The following LRRC8A variants were observed in gnomAD, a reference collection of about 807,000 sequenced individuals.
LRRC8A encodes the protein leucine rich repeat containing 8 VRAC subunit A.
In LRRC8A, 24 loss-of-function variants were observed where a neutral mutation model predicts 52.5. That is an observed-to-expected ratio of 0.46 (90% CI 0.33 to 0.64). The LOEUF is 0.64. Ranked by LOEUF, LRRC8A falls within the 30% of genes least tolerant of loss-of-function variation. The pLI is 0.02. For synonymous variants in LRRC8A, 492 were observed against 494.2 expected, an observed-to-expected ratio of 1.00 and a Z score of 0.06; for missense variants, 677 against 1,094.7, an observed-to-expected ratio of 0.62 and a Z score of 5.38.
chr9:128,915,565 T>G (rs1208448524), intron 3 of LRRC8A, among the ~76,000 whole-genome samples: 1 of 152,172 alleles, frequency 6.6e-6, no homozygotes, highest in Non-Finnish European at 1.5e-5. Flanking sequence ...GACCTCGTGA[T>G]CCGCCCGCCT....
rs7028651 is a variant in LRRC8A, at chr9:128,906,383, C to T, written c.-8-774C>T. Among the ~76,000 whole-genome samples, 1,018 of 124,824 alleles carry T rather than the reference C, an allele frequency of 8.2e-3. 8 individuals carry two copies. The highest frequency in any genetic ancestry group is 0.023 in the Middle Eastern group (3 of 128). The allele number at this position is 124,824 out of a possible 152,430, so 81.9% of individuals were successfully genotyped here. On this transcript the variant is annotated intron_variant, in intron 2 of 3. Transcript: ENST00000372600. Reference sequence around the variant, plus strand: ...TGTCGCCCAGGCTGGAGTGCAATGGCACAATCTCAGCTCACTGCAACCTCC... The same window carrying T: ...TGTCGCCCAGGCTGGAGTGCAATGGTACAATCTCAGCTCACTGCAACCTCC...
Position 128,902,982 on chromosome 9 carries a change from C to T in LRRC8A, c.-8-4175C>T, listed in dbSNP as rs376786049. On this transcript the variant is annotated intron_variant, in intron 2 of 3. Coordinates refer to ENST00000372600, the MANE Select transcript of LRRC8A (RefSeq NM_019594.4). The surrounding 1 kb of genome is among the most constrained non-coding windows in gnomAD (Gnocchi z 4.1). ...CTCCCAGTCCTGTTTCTCTTGGCAC[C>T]GCCTGGGTGAGACCTTGGGCAGGCG... is the stretch of plus-strand genomic sequence containing the variant. 4.6e-5 allele frequency among the ~76,000 whole-genome samples: 7 copies of T among 152,302 alleles called. No individual in the cohort carries two copies. The highest frequency in any genetic ancestry group is 2.1e-4 in the South Asian group (1 of 4,828).
chr9:128,909,200 C>G lies in LRRC8A; in HGVS notation c.2036C>G (p.Thr679Ser). Reference protein sequence around the residue: ...LNRNKIEKIPTQLFYCRKLRY... With the variant: ...LNRNKIEKIPSQLFYCRKLRY... ...CGCAACAAGATCGAGAAGATCCCCA[C>G]CCAGCTCTTCTACTGCCGCAAGCTG... The change falls in exon 3 of 4, where the codon ACC becomes AGC. Residue 679 changes from threonine (T) to serine (S), a missense_variant. Thr to Ser is a moderately conservative substitution (Grantham distance 58, BLOSUM62 1). Around this residue, in one of 4 missense-constraint regions of LRRC8A, gnomAD observed 169 missense variants for 217.6 expected, o/e 0.78. Transcript: ENST00000372600. 6.2e-7 allele frequency: 1 copy of G among 1,614,194 alleles called. No individual in the cohort carries two copies. Among genetic ancestry groups the G allele is most frequent in the Non-Finnish European group, 8.5e-7 (1 of 1,180,046 alleles).
intron 2 of LRRC8A, among the ~76,000 whole-genome samples, chr9:128,890,727 A>C (rs1001030823): frequency 1.3e-5 from 2 of 152,160 alleles, no homozygotes; most frequent in Non-Finnish European, 2.9e-5. Flanking sequence ...TCAGCAGAAG[A>C]TGTGTCTGCT....
chr9:128,904,044 AG>A (rs901662604), intron 2 of LRRC8A, among the ~76,000 whole-genome samples: 1 of 150,842 alleles, frequency 6.6e-6, no homozygotes, highest in Non-Finnish European at 1.5e-5. Flanking sequence ...AAAAAAAAAA[AG>A]TTTGTTACTA....
chr9:128,903,299 T>C (rs905545157), intron 2 of LRRC8A, among the ~76,000 whole-genome samples: 5 of 152,140 alleles, frequency 3.3e-5, no homozygotes, highest in African/African-American at 1.2e-4. Flanking sequence ...GAGTGCCCCA[T>C]TCCACCTGCC....
chr9:128,908,336 C>A lies in LRRC8A; in HGVS notation c.1172C>A (p.Ala391Asp). ...QYDPLYSKRF[A>D]VFLSEVSENK... The stretch of plus-strand genomic sequence containing the variant: ...GACCCGCTCTACTCCAAGCGCTTCG[C>A]CGTCTTCCTGTCGGAGGTGAGTGAG... The change falls in exon 3 of 4, where the codon GCC becomes GAC. Residue 391 changes from alanine to aspartate, a missense_variant. Physicochemically the swap from Ala to Asp is moderately radical, Grantham distance 126 (BLOSUM62 -2). Coordinates refer to ENST00000372600, the MANE Select transcript of LRRC8A (RefSeq NM_019594.4). 1 of 1,614,124 alleles carries A rather than the reference C, an allele frequency of 6.2e-7. No homozygotes were observed. Among genetic ancestry groups the A allele is most frequent in the Non-Finnish European group, 8.5e-7 (1 of 1,180,046 alleles).
intron 2 of LRRC8A, among the ~76,000 whole-genome samples, chr9:128,888,435 T>C (rs559573173): frequency 6.6e-6 from 1 of 152,076 alleles, no homozygotes; most frequent in Non-Finnish European, 1.5e-5. Flanking sequence ...GCCCAGCCCT[T>C]CCTGGGGATA....
At chr9:128,906,359 G>A (rs1245565415) in intron 2 of LRRC8A, among the ~76,000 whole-genome samples, 1 of 80,854 alleles carries the variant, frequency 1.2e-5, no homozygotes, top group African/African-American at 4.9e-5. Flanking sequence ...TTTCACTCTT[G>A]TCGCCCAGGC....
chr9:128,913,191 G>A (rs1840637223), intron 3 of LRRC8A, among the ~76,000 whole-genome samples: 1 of 152,062 alleles, frequency 6.6e-6, no homozygotes, highest in Admixed American at 6.5e-5. Flanking sequence ...ATTAGGAACT[G>A]GTGACTTTGG....
At position 128,905,082 on chromosome 9, in the gene LRRC8A, G is replaced by A. The variant is rs150138693; in HGVS notation, c.-8-2075G>A. ...CAGCTACCTGGGGGAGGCTAAGGTA[G>A]GAGGATTGCTTGACCAGGAGGTTGA... On this transcript the variant is annotated intron_variant, in intron 2 of 3. Coordinates refer to ENST00000372600, the MANE Select transcript of LRRC8A (RefSeq NM_019594.4). 1.3e-4 allele frequency among the ~76,000 whole-genome samples: 20 copies of A among 152,046 alleles called. No individual in the cohort carries two copies. In the East Asian group the frequency reaches 3.9e-3, roughly 30 times the overall value.
At chr9:128,901,128 G>A (rs369560855) in intron 2 of LRRC8A, among the ~76,000 whole-genome samples, 96 of 152,280 alleles carry the variant, frequency 6.3e-4, no homozygotes, top group African/African-American at 2.1e-3. Flanking sequence ...AGCCGAGATC[G>A]TGCCACTGCA....
rs1839935485 is a variant in LRRC8A at position 128,899,214 on chromosome 9, T to A, written c.-8-7943T>A. Among the ~76,000 whole-genome samples, 1 of 152,196 alleles carries A rather than the reference T, an allele frequency of 6.6e-6. No homozygotes were observed. ...AACTGAGGCCCTGGGAGAGAAGCTG[T>A]TCCACAGCTCCGCCAGGACGCAGTG... On this transcript the variant is annotated intron_variant, in intron 2 of 3. Transcript: ENST00000372600. This position sits in a 1 kb window ranked among gnomAD's most constrained non-coding sequence, Gnocchi z 4.0.
intron 3 of LRRC8A, among the ~76,000 whole-genome samples, chr9:128,914,069 G>A (rs565255898): frequency 6.6e-6 from 1 of 152,268 alleles, no homozygotes; most frequent in South Asian, 2.1e-4. Flanking sequence ...GCCGGGCATG[G>A]TGGTATGCGG....
chr9:128,902,226 A>G lies in LRRC8A; in HGVS notation c.-8-4931A>G, dbSNP rs775820383. ...ATTTTTTTTTACCCCCGCTGGACCT[A>G]GCCAAGGGCTGAACAGAGTCCGGAT... On this transcript the variant is annotated intron_variant, in intron 2 of 3. Coordinates refer to ENST00000372600, the MANE Select transcript of LRRC8A (RefSeq NM_019594.4). The surrounding 1 kb of genome is among the most constrained non-coding windows in gnomAD (Gnocchi z 4.1). 3.3e-5 allele frequency among the ~76,000 whole-genome samples: 5 copies of G among 152,208 alleles called. No individual in the cohort carries two copies. Among genetic ancestry groups the G allele is most frequent in the Non-Finnish European group, 5.9e-5 (4 of 68,020 alleles).
At chr9:128,901,000 C>T (rs938119528) in intron 2 of LRRC8A, among the ~76,000 whole-genome samples, 1 of 152,090 alleles carries the variant, frequency 6.6e-6, no homozygotes, top group Non-Finnish European at 1.5e-5. Context: ...TGGTAAAACC[C>T]TGTCTCTACT....
chr9:128,894,403 G>A (rs532661099), intron 2 of LRRC8A, among the ~76,000 whole-genome samples: 112 of 151,836 alleles, frequency 7.4e-4, no homozygotes, highest in Non-Finnish European at 1.3e-3. Context: ...AGAATGGCGT[G>A]AACCTGGGAG....
intron 3 of LRRC8A, among the ~76,000 whole-genome samples, chr9:128,910,499 C>T (rs1840467452): frequency 6.6e-6 from 1 of 152,156 alleles, no homozygotes; most frequent in African/African-American, 2.4e-5. Context: ...TCGAGACCAG[C>T]CTGGGCAACA....
chr9:128,898,421 T>G (rs1839907046), intron 2 of LRRC8A, among the ~76,000 whole-genome samples: 1 of 152,232 alleles, frequency 6.6e-6, no homozygotes, highest in Admixed American at 6.5e-5. Flanking sequence ...CCCGCCTGTC[T>G]CTTTACCAGG....
Sources: allele counts gnomAD v4.1 joint callset (sites outside exome capture counted in the v4.1 genomes callset), GRCh38; gene constraint gnomAD v4.1.1; regional missense constraint gnomAD v4.1.1; non-coding constraint Gnocchi (gnomAD v3.1); transcripts MANE v1.5; gene names NCBI Gene and HGNC (gene_info 2026-07-23, HGNC 2026-07-21).